The following GPC3 variants were observed in gnomAD, a reference collection of about 807,000 sequenced individuals.
GPC3 encodes glypican-3.
A neutral mutation model predicts 34.4 loss-of-function variants in GPC3; 3 were observed. The ratio of observed to expected loss-of-function variants is 0.09; its 90% CI spans 0.04 to 0.23. The LOEUF is 0.23. Ranked by LOEUF, GPC3 falls within the 10% of genes least tolerant of loss-of-function variation. The pLI, the probability that GPC3 is intolerant of heterozygous loss-of-function variation, is 1.00. For synonymous variants in GPC3, 177 were observed against 174.0 expected (o/e 1.02, Z -0.13); for missense variants, 351 against 445.6 (o/e 0.79, Z 1.91).
At chrX:133,655,512 A>C (rs1039083274) in intron 6 of GPC3, among the ~76,000 whole-genome samples, 25 of 109,718 alleles carry the variant, frequency 2.3e-4, no homozygotes, top group Middle Eastern at 4.6e-3. Context: ...ACACCCACAC[A>C]CACACACACA....
At chrX:133,540,829 C>T (rs2069333509) in intron 7 of GPC3, among the ~76,000 whole-genome samples, 1 of 110,320 alleles carries the variant, frequency 9.1e-6, no homozygotes, top group Non-Finnish European at 1.9e-5. Context: ...ACCAAAATCA[C>T]CAAGCTCAGA....
chrX:133,686,446 T>C (rs1193581607), intron 5 of GPC3, among the ~76,000 whole-genome samples: 1 of 112,039 alleles, frequency 8.9e-6, no homozygotes, highest in Non-Finnish European at 1.9e-5. Context: ...TGAAATATTA[T>C]TTGGCCATAA....
chrX:133,787,665 T>C (rs1455996855), intron 2 of GPC3, among the ~76,000 whole-genome samples: 2 of 111,933 alleles, frequency 1.8e-5, no homozygotes, highest in African/African-American at 6.5e-5. Flanking sequence ...TGTTCTGCTC[T>C]GTTCTGTTCT....
chrX:133,703,062 C>T (rs2071180115), intron 3 of GPC3, among the ~76,000 whole-genome samples: 1 of 112,284 alleles, frequency 8.9e-6, no homozygotes, highest in East Asian at 2.8e-4. Context: ...ACTTGGGAAA[C>T]ATCAGGCTAT....
chrX:133,715,231 C>T (rs760562307), intron 3 of GPC3, among the ~76,000 whole-genome samples: 18 of 111,963 alleles, frequency 1.6e-4, no homozygotes, highest in Non-Finnish European at 3.2e-4. Flanking sequence ...CATCAGACTC[C>T]AAGTTCTTCA....
chrX:133,950,595 T>C (rs916496917), intron 2 of GPC3, among the ~76,000 whole-genome samples: 5 of 112,367 alleles, frequency 4.4e-5, no homozygotes, highest in African/African-American at 1.6e-4. Flanking sequence ...TAATTTGGTC[T>C]ACCAGAATAT....
intron 1 of GPC3, among the ~76,000 whole-genome samples, chrX:133,983,750 T>TTTCTCCTTAC (rs201066316): frequency 0.011 from 1,231 of 111,057 alleles, 23 homozygotes; most frequent in African/African-American, 0.037. Context: ...GGGAGAGAGA[T>TTTCTCCTTAC]TGGCCAGTTG....
intron 2 of GPC3, among the ~76,000 whole-genome samples, chrX:133,858,540 C>T (rs1603261125): frequency 9.0e-6 from 1 of 111,621 alleles, no homozygotes. Flanking sequence ...TAATTTCTGA[C>T]TGCAGATTAA....
chrX:133,960,689 G>A (rs1420706975), intron 1 of GPC3, among the ~76,000 whole-genome samples: 2 of 107,733 alleles, frequency 1.9e-5, no homozygotes, highest in Non-Finnish European at 3.9e-5. Flanking sequence ...CTTTATGAAT[G>A]GCAGATTATT....
chrX:133,973,986 T>C lies in GPC3; in HGVS notation c.175+11289A>G, dbSNP rs2076503997. 3.6e-5 allele frequency among the ~76,000 whole-genome samples: 4 copies of C among 112,550 alleles called. No homozygotes were observed. The South Asian group carries it at 1.5e-3, about 41-fold the overall frequency. On this transcript the variant is annotated intron_variant, in intron 1 of 7. Coordinates refer to ENST00000370818, the MANE Select transcript of GPC3 (RefSeq NM_004484.4). ...TTCACAAGACAAATGTAATGTGTGA[T>C]TGTGAAAGATCACCTACTGCTAAGA...
intron 2 of GPC3, among the ~76,000 whole-genome samples, chrX:133,942,211 G>A (rs1480259753): frequency 1.8e-5 from 2 of 112,040 alleles, no homozygotes; most frequent in Non-Finnish European, 3.8e-5. Flanking sequence ...CAAACTTTAT[G>A]GAAATCAAAT....
At chrX:133,979,716 A>G (rs1350211024) in intron 1 of GPC3, among the ~76,000 whole-genome samples, 1 of 111,837 alleles carries the variant, frequency 8.9e-6, no homozygotes. Context: ...TGCTGTCTCT[A>G]AAGCCAGTCT....
At chrX:133,704,794 A>C (rs1324123926) in intron 3 of GPC3, among the ~76,000 whole-genome samples, 1 of 111,147 alleles carries the variant, frequency 9.0e-6, no homozygotes, top group African/African-American at 3.3e-5. Context: ...TTAAATGCAA[A>C]GGTGCCATAT....
At chrX:133,583,898 T>G (rs1168457816) in intron 7 of GPC3, among the ~76,000 whole-genome samples, 1 of 112,160 alleles carries the variant, frequency 8.9e-6, no homozygotes, top group East Asian at 2.8e-4. Flanking sequence ...CCTTCTCTCA[T>G]GTAGACTGAA....
At chrX:133,667,142 T>C (rs1020411784) in intron 5 of GPC3, among the ~76,000 whole-genome samples, 2 of 112,299 alleles carry the variant, frequency 1.8e-5, no homozygotes, top group Non-Finnish European at 3.8e-5. Context: ...GTTAAACGAT[T>C]ATGCCAAACC....
chrX:133,592,894 A>G (rs2069866902), intron 7 of GPC3, among the ~76,000 whole-genome samples: 1 of 112,212 alleles, frequency 8.9e-6, no homozygotes, highest in African/African-American at 3.2e-5. Context: ...ATGCTTGCTC[A>G]TAAGTAGAGC....
At chrX:133,841,911 C>T (rs2075826191) in intron 2 of GPC3, among the ~76,000 whole-genome samples, 1 of 112,432 alleles carries the variant, frequency 8.9e-6, no homozygotes, top group South Asian at 3.7e-4. Context: ...GCTTCCTGCC[C>T]TCATACATCA....
At chrX:133,900,997 A>G (rs1053048921) in intron 2 of GPC3, among the ~76,000 whole-genome samples, 1 of 112,149 alleles carries the variant, frequency 8.9e-6, no homozygotes, top group Non-Finnish European at 1.9e-5. Context: ...AGAAAACCAC[A>G]TGGGTTTTCC....
In GPC3 at chrX:133,789,663, G is replaced by A. The variant is rs760364977; in HGVS notation, c.338-35487C>T. On this transcript the variant is annotated intron_variant, in intron 2 of 7. Coordinates refer to ENST00000370818, the MANE Select transcript of GPC3 (RefSeq NM_004484.4). ...CATTTTGCTGCCCCACCATCAAACAGGGATGATCCCATATCCCTCCCAGGG... is the reference window on the plus strand; with the variant it reads ...CATTTTGCTGCCCCACCATCAAACAAGGATGATCCCATATCCCTCCCAGGG... 1.7e-4 allele frequency among the ~76,000 whole-genome samples: 19 copies of A among 112,121 alleles called. No individual in the cohort carries two copies. In the East Asian group the frequency reaches 3.6e-3, roughly 21 times the overall value.
Sources: allele counts gnomAD v4.1 joint callset (sites outside exome capture counted in the v4.1 genomes callset), GRCh38; gene constraint gnomAD v4.1.1; transcripts MANE v1.5; gene names NCBI Gene and HGNC (gene_info 2026-07-23, HGNC 2026-07-21).